The following ZNF480 variants were observed in gnomAD, a reference collection of about 807,000 sequenced individuals.
ZNF480 encodes the protein zinc finger protein 480.
In ZNF480, 15 loss-of-function variants were observed where a neutral mutation model predicts 14.4. The ratio of observed to expected loss-of-function variants is 1.04; its 90% confidence interval spans 0.70 to 1.60. The LOEUF is 1.60. Ranked by LOEUF, ZNF480 falls within the 40% of genes most tolerant of loss-of-function variation. The probability of loss-of-function intolerance (pLI) is 0.00; values close to 1 mark genes in which losing one functional copy is unlikely to be tolerated. For missense variants in ZNF480, 593 were observed against 629.7 expected, an observed-to-expected ratio of 0.94 and a Z score of 0.62; for synonymous variants, 218 against 215.5, an observed-to-expected ratio of 1.01 and a Z score of -0.10.
intron 4 of ZNF480, among the ~76,000 whole-genome samples, chr19:52,318,084 A>G (rs1337229453): frequency 6.8e-6 from 1 of 147,782 alleles, no homozygotes; most frequent in Non-Finnish European, 1.5e-5. Context: ...TTATTTATAT[A>G]TTTTTATTTT....
In ZNF480 at chr19:52,325,701, G is replaced by A. The variant is rs1984068500; in HGVS notation, c.*2843G>A. ...AAATATCCCATGTTCTCACTTATAAGTGGGAGCTAAACATTGATTACACAT... is the reference window on the plus strand; with the variant it reads ...AAATATCCCATGTTCTCACTTATAAATGGGAGCTAAACATTGATTACACAT... On this transcript the variant is annotated 3_prime_UTR_variant, in exon 5 of 5. Coordinates refer to ENST00000595962, the MANE Select transcript of ZNF480 (RefSeq NM_144684.4). 6.6e-6 allele frequency: 1 copy of A among 152,234 alleles called. No individual in the cohort carries two copies. Among genetic ancestry groups the A allele is most frequent in the Admixed American group, 6.5e-5 (1 of 15,282 alleles). 9.4% of individuals were successfully genotyped at this position (152,234 alleles called of 1,614,324 possible).
At chr19:52,320,715 C>T (rs1351847230) in intron 4 of ZNF480, among the ~76,000 whole-genome samples, 2 of 152,194 alleles carry the variant, frequency 1.3e-5, no homozygotes, top group African/African-American at 4.8e-5. Context: ...TTGCTTGAAC[C>T]TGGAGGTGGA....
In ZNF480 at chr19:52,325,728, G is replaced by C. The variant is rs1310261050; in HGVS notation, c.*2870G>C. 1 of 152,152 alleles carries C rather than the reference G, an allele frequency of 6.6e-6. No homozygotes were observed. Among genetic ancestry groups the C allele is most frequent in the Non-Finnish European group, 1.5e-5 (1 of 68,034 alleles). The allele number at this position is 152,152 out of a possible 1,614,324, so 9.4% of individuals were successfully genotyped here. On this transcript the variant is annotated 3_prime_UTR_variant, in exon 5 of 5. Coordinates refer to ENST00000595962, the MANE Select transcript of ZNF480 (RefSeq NM_144684.4). Reference sequence around the variant, plus strand: ...GGGAGCTAAACATTGATTACACATGGACTCAAAGAAGGGAACAGTAGACAC... The same window carrying C: ...GGGAGCTAAACATTGATTACACATGCACTCAAAGAAGGGAACAGTAGACAC...
intron 4 of ZNF480, 109 bp from the exon 5 acceptor site, chr19:52,321,470 T>C (rs1983806002): frequency 1.1e-6 from 1 of 921,128 alleles, no homozygotes; most frequent in South Asian, 1.8e-5. Context: ...AGTGTGCTGA[T>C]ATTTCTTCCA....
chr19:52,303,491 G>A (rs1056308971), intron 2 of ZNF480, among the ~76,000 whole-genome samples: 1 of 152,142 alleles, frequency 6.6e-6, no homozygotes, highest in African/African-American at 2.4e-5. Flanking sequence ...CCCTATCAGA[G>A]TAGCAATTTG....
Position 52,300,585 on chromosome 19 carries a change from C to T in ZNF480, c.72+101C>T, listed in dbSNP as rs966789538. The T allele has an allele frequency of 1.0e-5, 16 of 1,579,964 alleles. 1 individual carries two copies. The Admixed American group carries it at 1.7e-4, about 17-fold the overall frequency. On this transcript the variant is annotated intron_variant, in intron 2 of 4. Coordinates refer to ENST00000595962, the MANE Select transcript of ZNF480 (RefSeq NM_144684.4). Reference sequence around the variant, plus strand: ...TCTGAGTCTGAAGTGTCCTGCCTGACAGGTTTGCTCACGCTTACCTATGCC... The same window carrying T: ...TCTGAGTCTGAAGTGTCCTGCCTGATAGGTTTGCTCACGCTTACCTATGCC...
rs761641026 is a variant in ZNF480, at chr19:52,314,271, T to G, written c.191T>G (p.Val64Gly). 6.4e-6 allele frequency: 10 copies of G among 1,558,174 alleles called. No individual in the cohort carries two copies. The highest frequency in any genetic ancestry group is 7.9e-6 in the Non-Finnish European group (9 of 1,145,326). ...ATGTTGGAGAACTACAGGAACCTGG[T>G]CTCCCTGGGTGAGGATCATGCCCCT... Reference protein sequence around the residue: ...DVMLENYRNLVSLGISLPDLN... With the variant: ...DVMLENYRNLGSLGISLPDLN... The change falls in exon 3 of 5, where the codon GTC (valine) becomes GGC (glycine). Residue 64 changes from valine (V) to glycine (G), a missense_variant. By Grantham distance (109) the Val-to-Gly change is moderately radical. Transcript: ENST00000595962.
At position 52,314,212 on chromosome 19, in the gene ZNF480, G is replaced by C. The variant is rs779575498; in HGVS notation, c.132G>C (p.Leu44=). Reference sequence around the variant, plus strand: ...TCTCTCAGGCGGAGTGGAAATGCCTGGACCCTGCACAGAGGGCTTTATACA... The same window carrying C: ...TCTCTCAGGCGGAGTGGAAATGCCTCGACCCTGCACAGAGGGCTTTATACA... ...IEFSQAEWKC[L]DPAQRALYKD... The change falls in exon 3 of 5, where the codon CTG becomes CTC. Residue 44 remains leucine (L), a synonymous_variant. Transcript: ENST00000595962. 5 of 1,585,432 alleles carry C rather than the reference G, an allele frequency of 3.2e-6. No homozygotes were observed. In the Admixed American group the frequency reaches 8.5e-5, roughly 27 times the overall value.
At chr19:52,300,281 G>A (rs1246287267) in intron 1 of ZNF480, 113 bp from the exon 2 acceptor site, 1 of 1,106,928 alleles carries the variant, frequency 9.0e-7, no homozygotes, top group Non-Finnish European at 1.3e-6. Flanking sequence ...CTGGTGCAGT[G>A]GGCAGCAGAG....
chr19:52,319,548 T>G (rs1249854649), intron 4 of ZNF480, among the ~76,000 whole-genome samples: 1 of 152,196 alleles, frequency 6.6e-6, no homozygotes, highest in African/African-American at 2.4e-5. Flanking sequence ...TTATAATGTA[T>G]CTCTGTGTGA....
intron 2 of ZNF480, among the ~76,000 whole-genome samples, chr19:52,313,314 TTTAA>T (rs1434988412): frequency 6.6e-6 from 1 of 151,560 alleles, no homozygotes; most frequent in African/African-American, 2.4e-5. Context: ...ATTTTTGTAT[TTTAA>T]TTAGAGACGG....
chr19:52,302,086 G>GTTTC (rs1982720107), intron 2 of ZNF480: 1 of 247,086 alleles, frequency 4.0e-6, no homozygotes, highest in East Asian at 1.2e-4. Flanking sequence ...TCATGATAAG[G>GTTTC]TTTCAGGTGT....
At chr19:52,321,368 C>T (rs1983800243) in intron 4 of ZNF480, among the ~76,000 whole-genome samples, 1 of 152,146 alleles carries the variant, frequency 6.6e-6, no homozygotes, top group Non-Finnish European at 1.5e-5. Flanking sequence ...CTCAAACTCA[C>T]CTGTAATCCT....
Position 52,305,827 on chromosome 19 carries a change from G to A in ZNF480, c.72+5343G>A, listed in dbSNP as rs142144488. ...AGGCCTGGGACGGGCCCCTCATGGC[G>A]TTTCCTGAAATCGGGTTCCCATCTT... On this transcript the variant is annotated intron_variant, in intron 2 of 4. Coordinates refer to ENST00000595962, the MANE Select transcript of ZNF480 (RefSeq NM_144684.4). 5.5e-3 allele frequency among the ~76,000 whole-genome samples: 845 copies of A among 152,302 alleles called. 8 individuals carry two copies. The highest frequency in any genetic ancestry group is 0.019 in the South Asian group (92 of 4,828).
Position 52,325,154 on chromosome 19 carries a change from G to GA in ZNF480, c.*2303dup, listed in dbSNP as rs946357953. ...TACATACATGTGGCAATAAGCATAT[G>GA]AAAAAAATGGTTAATATCGCTAATC... On this transcript the variant is annotated 3_prime_UTR_variant, in exon 5 of 5. Transcript: ENST00000595962. 8.5e-5 allele frequency: 13 copies of GA among 152,122 alleles called. No homozygotes were observed. The highest frequency in any genetic ancestry group is 3.9e-4 in the Admixed American group (6 of 15,288). 9.4% of individuals were successfully genotyped at this position (152,122 alleles called of 1,614,324 possible).
Position 52,325,388 on chromosome 19 carries a change from A to C in ZNF480, c.*2530A>C, listed in dbSNP as rs1248870535. 6.6e-6 allele frequency: 1 copy of C among 152,266 alleles called. No individual in the cohort carries two copies. The highest frequency in any genetic ancestry group is 1.5e-5 in the Non-Finnish European group (1 of 68,050). 9.4% of individuals were successfully genotyped at this position (152,266 alleles called of 1,614,324 possible). On this transcript the variant is annotated 3_prime_UTR_variant, in exon 5 of 5. Transcript: ENST00000595962. ...AGCGATTTCTCAAAGACATAAAAGA[A>C]CATAGCATTCAACCCAGCATCCCAT...
chr19:52,298,490 G>A (rs917848666), intron 1 of ZNF480, among the ~76,000 whole-genome samples: 2 of 152,202 alleles, frequency 1.3e-5, no homozygotes, highest in South Asian at 2.1e-4. Flanking sequence ...AAAATTAGCC[G>A]GGCGTCAGCG....
At chr19:52,316,258 G>C (rs1983553525) in intron 4 of ZNF480, among the ~76,000 whole-genome samples, 1 of 134,404 alleles carries the variant, frequency 7.4e-6, no homozygotes. Context: ...ATGGAATTTT[G>C]CTCTATTGCC....
chr19:52,321,732 G>A lies in ZNF480; in HGVS notation c.482G>A (p.Ser161Asn), dbSNP rs766740368. Residue 161 changes from serine to asparagine, a missense_variant, in exon 5 of 5, where the codon AGT becomes AAT. Physicochemically the swap from Ser to Asn is conservative, Grantham distance 46 (BLOSUM62 1). Coordinates refer to ENST00000595962, the MANE Select transcript of ZNF480 (RefSeq NM_144684.4). ...CNQVENFINHSSSVSCLQEMS... is the reference protein window; with the variant it reads ...CNQVENFINHNSSVSCLQEMS... ...CAAGTTGAAAACTTTATCAACCACA[G>A]TTCCTCTGTTTCCTGTCTTCAAGAA... The A allele has an allele frequency of 6.2e-6, 10 of 1,613,902 alleles. No individual in the cohort carries two copies. Among genetic ancestry groups the A allele is most frequent in the East Asian group, 4.5e-5 (2 of 44,880 alleles).
Sources: allele counts gnomAD v4.1 joint callset (sites outside exome capture counted in the v4.1 genomes callset), GRCh38; gene constraint gnomAD v4.1.1; transcripts MANE v1.5; gene names NCBI Gene and HGNC (gene_info 2026-07-23, HGNC 2026-07-21).